LRRC71: variants seen among roughly 807,000 people sequenced by gnomAD.
LRRC71 encodes leucine rich repeat containing 71, also known as leucine-rich repeat-containing protein 71.
In LRRC71, 54 loss-of-function variants were observed where a neutral mutation model predicts 66.6. The ratio of observed to expected loss-of-function variants is 0.81; its 90% CI spans 0.65 to 1.02. The LOEUF (loss-of-function observed/expected upper bound fraction) is 1.02, where lower values mean the gene tolerates loss of function less well. LRRC71 is among the 50% of genes least tolerant of loss of function. The pLI is 0.00. For missense variants in LRRC71, 724 were observed against 718.0 expected (o/e 1.01, Z -0.10); for synonymous variants, 323 against 303.9 (o/e 1.06, Z -0.65).
intron 12 of LRRC71, among the ~76,000 whole-genome samples, chr1:156,931,143 C>T (rs1654310033): frequency 1.3e-5 from 2 of 152,166 alleles, no homozygotes; most frequent in Non-Finnish European, 2.9e-5. Context: ...CCTGGACCAA[C>T]TTGCTGCTTG....
At chr1:156,922,943 G>A (rs1474190702) in intron 1 of LRRC71, among the ~76,000 whole-genome samples, 2 of 152,194 alleles carry the variant, frequency 1.3e-5, no homozygotes, top group African/African-American at 4.8e-5. Flanking sequence ...AGGTGTGCAG[G>A]AGCCAGCCAG....
At chr1:156,928,398 CT>C (rs1435940873) in intron 9 of LRRC71, among the ~76,000 whole-genome samples, 1 of 139,698 alleles carries the variant, frequency 7.2e-6, no homozygotes. Flanking sequence ...TCTTCTTCTT[CT>C]TCTTCTTCCT....
intron 1 of LRRC71, 103 bp from the exon 2 acceptor site, chr1:156,923,846 C>A (rs1390024324): frequency 8.1e-7 from 1 of 1,241,372 alleles, no homozygotes; most frequent in Non-Finnish European, 1.1e-6. Context: ...TGAATGGCTG[C>A]AAAAATATCC....
Position 156,920,899 on chromosome 1 carries a change from C to A in LRRC71, c.96C>A (p.Arg32=), listed in dbSNP as rs752560111. The A allele has an allele frequency of 1.9e-6, 3 of 1,539,948 alleles. No homozygotes were observed. The highest frequency in any genetic ancestry group is 1.4e-5 in the African/African-American group (1 of 72,626). ...GCGCGGTGACCAAAAAGGGAGAGCGCGCGGCCAAAGAGAAGCCAGCGACCG... is the reference window on the plus strand; with the variant it reads ...GCGCGGTGACCAAAAAGGGAGAGCGAGCGGCCAAAGAGAAGCCAGCGACCG... ...SSGAVTKKGE[R]AAKEKPATVL... The change falls in exon 1 of 15, where the codon CGC becomes CGA. Residue 32 remains arginine, a synonymous_variant. Transcript: ENST00000337428. This position sits in a 1 kb window ranked among gnomAD's most constrained non-coding sequence, Gnocchi z 4.9.
chr1:156,939,576 T>C, the LRRC71 span: 1 of 1,612,754 alleles, frequency 6.2e-7, no homozygotes, highest in Admixed American at 1.7e-5. Context: ...AACCTCCTGC[T>C]GCCTCTGTGC....
chr1:156,936,073 T>C (rs1296181148), downstream of LRRC71: 13 of 1,613,808 alleles, frequency 8.1e-6, no homozygotes, highest in South Asian at 3.3e-5. Context: ...GGGAGGAGGA[T>C]GAAGGTGAGG....
At chr1:156,934,905 TA>T (rs1210263252), downstream of LRRC71, 1 of 149,810 alleles carries the variant, frequency 6.7e-6, no homozygotes, top group African/African-American at 2.4e-5. Flanking sequence ...TAAAAGAGTA[TA>T]CATTATCTTA....
intron 11 of LRRC71, 45 bp downstream of exon 11, chr1:156,929,774 G>A (rs538718891): frequency 6.6e-7 from 1 of 1,505,286 alleles, no homozygotes. Context: ...TGTGGAGGAG[G>A]GAAGAGTGCC....
At chr1:156,936,497 A>AAATAT (rs370282821), downstream of LRRC71, among the ~76,000 whole-genome samples, 179 of 33,912 alleles carry the variant, frequency 5.3e-3, 2 homozygotes, top group African/African-American at 8.3e-3. Context: ...AAAAAAAAAA[A>AAATAT]ATATATATAT....
intron 9 of LRRC71, among the ~76,000 whole-genome samples, chr1:156,928,875 T>C (rs1417909218): frequency 6.6e-6 from 1 of 152,108 alleles, no homozygotes; most frequent in African/African-American, 2.4e-5. Context: ...CTGGCCTGTG[T>C]TACTTAACTT....
chr1:156,936,325 G>A (rs1412713950), downstream of LRRC71: 3 of 625,372 alleles, frequency 4.8e-6, no homozygotes, highest in African/African-American at 1.8e-5. Flanking sequence ...GTGTGGTTCT[G>A]AATCATTTAA....
intron 9 of LRRC71, 97 bp from the exon 10 acceptor site, chr1:156,929,183 C>G: frequency 1.4e-6 from 2 of 1,426,846 alleles, no homozygotes; most frequent in Non-Finnish European, 9.4e-7. Flanking sequence ...GCTGTCAGCT[C>G]GACTGCTCCC....
At chr1:156,938,658 A>C in the LRRC71 span, 1 of 647,692 alleles carries the variant, frequency 1.5e-6, no homozygotes, top group African/African-American at 1.8e-5. Flanking sequence ...AAGATCATAC[A>C]CGATGACATC....
chr1:156,939,750 A>G, the LRRC71 span: 1 of 1,613,834 alleles, frequency 6.2e-7, no homozygotes, highest in African/African-American at 1.3e-5. Flanking sequence ...CTTCACCCCC[A>G]GGGGGTGCTT....
Position 156,927,672 on chromosome 1 carries a change from G to A in LRRC71, c.822+17G>A. ...ATCGCGGACGTGAGTGCACGGCGGG[G>A]AGGGACCTGCTGGGAGCAGGGGCGG... is the stretch of plus-strand genomic sequence containing the variant. On this transcript the variant is annotated intron_variant, in intron 7 of 14. Transcript: ENST00000337428. 2 of 1,606,926 alleles carry A rather than the reference G, an allele frequency of 1.2e-6. No homozygotes were observed. The highest frequency in any genetic ancestry group is 2.2e-5 in the East Asian group (1 of 44,818).
chr1:156,934,889 A>C (rs1378082220), downstream of LRRC71: 1 of 150,740 alleles, frequency 6.6e-6, no homozygotes, highest in Non-Finnish European at 1.5e-5. Context: ...CATGAAAGGA[A>C]GAAAATAAAA....
chr1:156,930,594 CGCA>C lies in LRRC71; in HGVS notation c.1310_1312del (p.Ser437del). On this transcript the variant is annotated inframe_deletion, in exon 12 of 15. Coordinates refer to ENST00000337428, the MANE Select transcript of LRRC71 (RefSeq NM_144702.3). ...GATCAAGATCGGGAGCAGAGAGAAG[CGCA>C]GCATCCTCCTGGAGTCCGAGGTAAG... 4 of 1,566,496 alleles carry C rather than the reference CGCA, an allele frequency of 2.6e-6. No individual in the cohort carries two copies. Among genetic ancestry groups the C allele is most frequent in the Non-Finnish European group, 3.5e-6 (4 of 1,155,434 alleles).
Position 156,928,479 on chromosome 1 carries a change from TTCC to T in LRRC71, c.996+487_996+489del, listed in dbSNP as rs1351376017. Reference sequence around the variant, plus strand: ...TCTTCTCCTTCTTCTCTTCTTCCTCTTCCTCCTCCTCCTCTTCTTCCTCCTCCT... The same window carrying T: ...TCTTCTCCTTCTTCTCTTCTTCCTCTTCCTCCTCCTCTTCTTCCTCCTCCT... On this transcript the variant is annotated intron_variant, in intron 9 of 14. Coordinates refer to ENST00000337428, the MANE Select transcript of LRRC71 (RefSeq NM_144702.3). 6.1e-3 allele frequency among the ~76,000 whole-genome samples: 777 copies of T among 126,642 alleles called. 5 individuals carry two copies. The highest frequency in any genetic ancestry group is 0.021 in the African/African-American group (600 of 28,762). 83.1% of individuals were successfully genotyped at this position (126,642 alleles called of 152,430 possible).
rs565380651 is a variant in LRRC71, at chr1:156,931,978, G to C, written c.1392G>C (p.Gly464=). ...PLLEPVEHRD[G]KVFMPGNKVL... ...TGGAGCCTGTGGAGCACCGAGATGG[G>C]AAAGTTTTCATGCCTGGGAACAAGG... The change falls in exon 13 of 15, where the codon GGG becomes GGC. Residue 464 remains glycine (G), a synonymous_variant. Coordinates refer to ENST00000337428, the MANE Select transcript of LRRC71 (RefSeq NM_144702.3). 1.7e-5 allele frequency: 27 copies of C among 1,601,950 alleles called. No individual in the cohort carries two copies. In the South Asian group the frequency reaches 1.7e-4, roughly 10 times the overall value.
Sources: gnomAD v4.1 joint callset for allele counts (sites outside exome capture counted in the v4.1 genomes callset) on GRCh38, gnomAD v4.1.1 for gene constraint, Gnocchi (gnomAD v3.1) non-coding constraint, MANE v1.5 for transcripts, NCBI Gene and HGNC (gene_info 2026-07-23, HGNC 2026-07-21) for gene names.